Variants in MRPS6 observed in about 807,000 individuals in gnomAD.
MRPS6 encodes small ribosomal subunit protein bS6m.
MRPS6 carries 6 observed loss-of-function variants against 13.1 expected under a neutral mutation model. That is an observed-to-expected ratio of 0.46 (90% CI 0.25 to 0.91). MRPS6 has a LOEUF of 0.91. Among genes scored for constraint, MRPS6 ranks in the 40% least tolerant of loss-of-function variants. The pLI, the probability that MRPS6 is intolerant of heterozygous loss-of-function variation, is 0.18. For missense variants in MRPS6, 164 were observed against 155.6 expected (o/e 1.05, Z -0.29); for synonymous variants, 61 against 56.5 (o/e 1.08, Z -0.36).
chr21:34,095,662 G>C (rs1978931140), intron 1 of MRPS6: 1 of 1,613,376 alleles, frequency 6.2e-7, no homozygotes, highest in African/African-American at 1.3e-5. Flanking sequence ...GAGTCTTTGG[G>C]TTGGAATCTT....
chr21:34,103,116 T>C, intron 1 of MRPS6: 2 of 1,000,132 alleles, frequency 2.0e-6, no homozygotes, highest in Non-Finnish European at 2.4e-6. Flanking sequence ...ACGAGGCTTA[T>C]TGCTATTGCA....
At chr21:34,136,092 G>C (rs901929575) in intron 2 of MRPS6, 1 of 221,322 alleles carries the variant, frequency 4.5e-6, no homozygotes, top group Non-Finnish European at 9.1e-6. Context: ...CAGCCCGAGT[G>C]TCTCTGTTAC....
intron 1 of MRPS6, among the ~76,000 whole-genome samples, chr21:34,081,963 T>G (rs1989468542): frequency 6.6e-6 from 1 of 152,198 alleles, no homozygotes; most frequent in South Asian, 2.1e-4. Context: ...TCCCATCTAT[T>G]ATTGCCATGA....
At chr21:34,123,088 C>T (rs1371203986) in intron 1 of MRPS6, 3 of 152,040 alleles carry the variant, frequency 2.0e-5, no homozygotes, top group African/African-American at 4.8e-5. Flanking sequence ...ATATAAACAA[C>T]GATTCAGTAG....
intron 1 of MRPS6, chr21:34,122,277 G>A (rs1021008636): frequency 2.0e-5 from 3 of 152,192 alleles, no homozygotes; most frequent in African/African-American, 4.8e-5. Flanking sequence ...CAGGTAGCAA[G>A]CCAGATTTGG....
At chr21:34,075,649 A>G (rs1989311706) in intron 1 of MRPS6, among the ~76,000 whole-genome samples, 1 of 152,242 alleles carries the variant, frequency 6.6e-6, no homozygotes, top group Non-Finnish European at 1.5e-5. Context: ...GTGGTGACTT[A>G]TGTACAATGG....
At chr21:34,139,971 A>G (rs1219970412) in intron 2 of MRPS6, among the ~76,000 whole-genome samples, 1 of 152,034 alleles carries the variant, frequency 6.6e-6, no homozygotes, top group Non-Finnish European at 1.5e-5. Context: ...TTTAATTTAT[A>G]CCTTACCTCT....
intron 1 of MRPS6, among the ~76,000 whole-genome samples, chr21:34,118,581 G>A (rs1345843985): frequency 7.7e-6 from 1 of 129,112 alleles, no homozygotes; most frequent in Non-Finnish European, 1.6e-5. Context: ...TTTTGAGACA[G>A]AGTCTCAGCT....
At chr21:34,095,186 A>G (rs1978908603) in intron 1 of MRPS6, 1 of 1,577,468 alleles carries the variant, frequency 6.3e-7, no homozygotes, top group African/African-American at 1.4e-5. Context: ...GCTATTATTC[A>G]CAAGTTACCA....
intron 1 of MRPS6, among the ~76,000 whole-genome samples, chr21:34,117,279 C>T (rs1426203101): frequency 6.6e-6 from 1 of 152,038 alleles, no homozygotes; most frequent in Non-Finnish European, 1.5e-5. Flanking sequence ...GAATTTTCTC[C>T]CTTCCTTTCG....
intron 1 of MRPS6, among the ~76,000 whole-genome samples, chr21:34,088,565 C>T (rs909867090): frequency 1.3e-5 from 2 of 152,204 alleles, no homozygotes; most frequent in Non-Finnish European, 2.9e-5. Context: ...TTTTTAAACA[C>T]GCATGATCTT....
Position 34,104,424 on chromosome 21 carries a change from T to TAA in MRPS6, c.46-20915_46-20914dup, listed in dbSNP as rs534040430. The stretch of plus-strand genomic sequence containing the variant: ...CAAGAATGAATGAATGTCTTTGTCT[T>TAA]AAATTTTGCCCATGTGTTAAAAGAT... On this transcript the variant is annotated intron_variant, in intron 1 of 2. Transcript: ENST00000399312. The TAA allele has an allele frequency of 3.0e-6, 3 of 1,000,164 alleles. No individual in the cohort carries two copies. The Admixed American group carries it at 1.8e-4, about 61-fold the overall frequency. 62.0% of individuals were successfully genotyped at this position (1,000,164 alleles called of 1,614,324 possible).
chr21:34,116,216 G>A (rs1034030015), intron 1 of MRPS6, among the ~76,000 whole-genome samples: 14 of 144,662 alleles, frequency 9.7e-5, no homozygotes, highest in African/African-American at 2.3e-4. Flanking sequence ...GTGTGTGTGT[G>A]TATGTGTGTT....
intron 1 of MRPS6, among the ~76,000 whole-genome samples, chr21:34,108,712 A>G (rs1979581344): frequency 6.6e-6 from 1 of 152,196 alleles, no homozygotes; most frequent in Non-Finnish European, 1.5e-5. Flanking sequence ...TCTACCTCGT[A>G]TTTGTTTGCA....
At chr21:34,098,993 T>A in intron 1 of MRPS6, 1 of 989,270 alleles carries the variant, frequency 1.0e-6, no homozygotes, top group Non-Finnish European at 1.2e-6. Context: ...CAAAACTCAG[T>A]CTTTTTAATT....
intron 1 of MRPS6, chr21:34,095,400 C>T (rs143300549): frequency 5.8e-5 from 93 of 1,613,978 alleles, no homozygotes; most frequent in Non-Finnish European, 7.7e-5. Context: ...CTTCATTGGG[C>T]TGGCAGGATC....
chr21:34,142,074 T>C (rs1980925546), intron 2 of MRPS6, among the ~76,000 whole-genome samples: 1 of 152,204 alleles, frequency 6.6e-6, no homozygotes, highest in South Asian at 2.1e-4. Flanking sequence ...TTCAGTCTCG[T>C]CAATGGATTA....
At chr21:34,098,457 T>C (rs1203208906) in intron 1 of MRPS6, 3 of 999,842 alleles carry the variant, frequency 3.0e-6, no homozygotes, top group Admixed American at 6.2e-5. Flanking sequence ...GATAAGTTTT[T>C]CCCTGATTTT....
intron 1 of MRPS6, among the ~76,000 whole-genome samples, chr21:34,079,043 G>T (rs1989398640): frequency 6.6e-6 from 1 of 152,232 alleles, no homozygotes; most frequent in Admixed American, 6.5e-5. Context: ...GGTTTGGAAA[G>T]TGACAGTTAA....
Sources: allele counts gnomAD v4.1 joint callset (sites outside exome capture counted in the v4.1 genomes callset), GRCh38; gene constraint gnomAD v4.1.1; transcripts MANE v1.5; gene names NCBI Gene and HGNC (gene_info 2026-07-23, HGNC 2026-07-21).